CROCC: variants seen among roughly 807,000 people sequenced by gnomAD.
The protein encoded by CROCC is ciliary rootlet coiled-coil, rootletin.
CROCC carries 180 observed loss-of-function variants against 245.2 expected under a neutral mutation model. The ratio of observed to expected loss-of-function variants is 0.73; its 90% CI spans 0.65 to 0.83. CROCC has a LOEUF of 0.83. CROCC is among the 40% of genes least tolerant of loss of function. The pLI, the probability that CROCC is intolerant of heterozygous loss-of-function variation, is 0.00. For missense variants in CROCC, 2,688 were observed against 2,779.4 expected, an observed-to-expected ratio of 0.97 and a Z score of 0.74; for synonymous variants, 1,205 against 1,241.6, an observed-to-expected ratio of 0.97 and a Z score of 0.62.
In CROCC at chr1:16,968,203, GAGA is replaced by G. The variant is rs1405069951; in HGVS notation, c.4865_4867del (p.Lys1622del). ...GGCCTGAGCCCCATGCCACCTGCAG[GAGA>G]AGATCAGCAAGATGAAGGCCAATGA... On this transcript the variant is annotated inframe_deletion and splice_region_variant, in exon 31 of 37. Coordinates refer to ENST00000375541, the MANE Select transcript of CROCC (RefSeq NM_014675.5). 1.3e-6 allele frequency: 2 copies of G among 1,560,372 alleles called. No individual in the cohort carries two copies. The highest frequency in any genetic ancestry group is 4.8e-5 in the East Asian group (2 of 41,824).
chr1:16,955,560 C>T lies in CROCC; in HGVS notation c.3704+10C>T, dbSNP rs765437650. The T allele has an allele frequency of 4.0e-6, 6 of 1,515,806 alleles. No individual in the cohort carries two copies. Among genetic ancestry groups the T allele is most frequent in the South Asian group, 1.3e-5 (1 of 76,930 alleles). The allele number at this position is 1,515,806 out of a possible 1,614,324, so 93.9% of individuals were successfully genotyped here. A position where few individuals can be genotyped will look rare whatever the true frequency, so the allele number is the denominator to read the frequency against. The stretch of plus-strand genomic sequence containing the variant: ...AGAGCGAGCGCATCAGGTGGGGTGT[C>T]GCAGGAGGACCAGTCCTGAGTCCTC... On this transcript the variant is annotated intron_variant, in intron 24 of 36. Transcript: ENST00000375541.
At chr1:16,965,428 G>A (rs2076401419) in intron 27 of CROCC, among the ~76,000 whole-genome samples, 1 of 152,202 alleles carries the variant, frequency 6.6e-6, no homozygotes, top group Admixed American at 6.5e-5. Context: ...TGAGGGAGAG[G>A]GATGGCCCTA....
In CROCC at chr1:16,966,491, G is replaced by A; in HGVS notation, c.4780G>A (p.Glu1594Lys). Residue 1594 changes from glutamate to lysine, a missense_variant, in exon 30 of 37, where the codon GAG becomes AAG. By Grantham distance (56) the Glu-to-Lys change is moderately conservative. This residue lies in a region of CROCC where 1,218 missense variants were observed against 1,286.3 expected (regional missense o/e 0.95). Coordinates refer to ENST00000375541, the MANE Select transcript of CROCC (RefSeq NM_014675.5). The surrounding 1 kb of genome is among the most constrained non-coding windows in gnomAD (Gnocchi z 4.8). ...GGAGAGTGTGCGGCGCAGTGAGCGGGAGCGCCGGGCCACGCTGGACCAGGT... is the reference window on the plus strand; with the variant it reads ...GGAGAGTGTGCGGCGCAGTGAGCGGAAGCGCCGGGCCACGCTGGACCAGGT... ...QEESVRRSER[E>K]RRATLDQVAT... The A allele has an allele frequency of 6.5e-7, 1 of 1,533,730 alleles. No individual in the cohort carries two copies. The highest frequency in any genetic ancestry group is 1.2e-5 in the South Asian group (1 of 83,758).
Position 16,972,578 on chromosome 1 carries a change from G to GCCTCCCTTTCTCT in CROCC, c.*132_*133insCCTCCCTTTCTCT. 1.6e-6 allele frequency: 1 copy of GCCTCCCTTTCTCT among 606,372 alleles called. No homozygotes were observed. The highest frequency in any genetic ancestry group is 2.9e-6 in the Non-Finnish European group (1 of 349,230). 37.6% of individuals were successfully genotyped at this position (606,372 alleles called of 1,614,324 possible). On this transcript the variant is annotated 3_prime_UTR_variant, in exon 37 of 37. Coordinates refer to ENST00000375541, the MANE Select transcript of CROCC (RefSeq NM_014675.5). The stretch of plus-strand genomic sequence containing the variant: ...GGGTGGGATGAGGAGGCGCTCTGCT[G>GCCTCCCTTTCTCT]GCAGTGCTGAGGACGGGTACTCCAG...
rs760230508 is a variant in CROCC at position 16,972,457 on chromosome 1, G to C, written c.*11G>C. The C allele has an allele frequency of 1.9e-6, 3 of 1,608,112 alleles. No individual in the cohort carries two copies. The highest frequency in any genetic ancestry group is 2.6e-6 in the Non-Finnish European group (3 of 1,175,972). On this transcript the variant is annotated 3_prime_UTR_variant, in exon 37 of 37. Transcript: ENST00000375541. ...CCCCCAGAGAAATGAGCTCCTGCTG[G>C]CATCTGGAGAACACCCCTGTGCCTG...
intron 27 of CROCC, among the ~76,000 whole-genome samples, chr1:16,963,612 C>G (rs1383978875): frequency 6.6e-6 from 1 of 152,080 alleles, no homozygotes; most frequent in East Asian, 1.9e-4. Context: ...GCAGGATGCT[C>G]ATGGCAGGAC....
upstream of CROCC, among the ~76,000 whole-genome samples, chr1:16,918,829 C>A (rs1294431505): frequency 2.0e-5 from 3 of 152,180 alleles, no homozygotes; most frequent in African/African-American, 7.2e-5. Flanking sequence ...CTCTGCCTCC[C>A]AGTTTCAAGT....
chr1:16,940,209 T>A (rs2075898102), intron 13 of CROCC, 116 bp downstream of exon 13: 1 of 1,131,038 alleles, frequency 8.8e-7, no homozygotes. Context: ...TAGCTGCATG[T>A]GCCTATTAAC....
At chr1:16,971,702 AGAG>A (rs1557649909) in intron 36 of CROCC, 55 bp downstream of exon 36, 6 of 1,411,936 alleles carry the variant, frequency 4.2e-6, no homozygotes, top group Non-Finnish European at 3.7e-6. Context: ...GGCTGCAGAA[AGAG>A]GAGAGACCCA....
Position 16,969,840 on chromosome 1 carries a change from C to G in CROCC, c.5357C>G (p.Ser1786Cys), listed in dbSNP as rs2076484060. Residue 1786 changes from serine to cysteine, a missense_variant, in exon 33 of 37, where the codon TCC (serine) becomes TGC (cysteine). By Grantham distance (112) the Ser-to-Cys change is moderately radical. This residue lies in a region of CROCC where 1,218 missense variants were observed against 1,286.3 expected (regional missense o/e 0.95). Coordinates refer to ENST00000375541, the MANE Select transcript of CROCC (RefSeq NM_014675.5). ...TCTGAGGCACGGAAGCAGAGCAGCT[C>G]CCTGGGCGAGCAGGTGCAGACGTTG... ...ALSEARKQSS[S>C]LGEQVQTLRG... is the part of the protein sequence containing the mutation. 3 of 1,613,236 alleles carry G rather than the reference C, an allele frequency of 1.9e-6. No individual in the cohort carries two copies. The South Asian group carries it at 3.3e-5, about 18-fold the overall frequency.
chr1:16,918,925 C>T (rs556718195), upstream of CROCC, among the ~76,000 whole-genome samples: 1,204 of 152,048 alleles, frequency 7.9e-3, no homozygotes, highest in Non-Finnish European at 0.013. Flanking sequence ...TTAGTAGAGA[C>T]GGGGTTTCAC....
intron 8 of CROCC, 72 bp from the exon 9 acceptor site, chr1:16,936,565 T>G (rs2100400025): frequency 2.1e-6 from 3 of 1,428,330 alleles, no homozygotes; most frequent in Non-Finnish European, 2.8e-6. Flanking sequence ...CACCACGCCC[T>G]GCCCAAGCAT....
chr1:16,933,137 A>G (rs1212508138), intron 8 of CROCC, among the ~76,000 whole-genome samples: 1 of 152,290 alleles, frequency 6.6e-6, no homozygotes, highest in Admixed American at 6.5e-5. Context: ...ATATCATCAA[A>G]TAGCCAGTGT....
chr1:16,970,108 G>GTGTC lies in CROCC; in HGVS notation c.5452-145_5452-144insTGTC. On this transcript the variant is annotated intron_variant, in intron 33 of 36. Coordinates refer to ENST00000375541, the MANE Select transcript of CROCC (RefSeq NM_014675.5). ...ACAGATGGAGAAACAGACTGAGAGA[G>GTGTC]ACAGGTTTGGCTTCAGGTGACAATT... The GTGTC allele has an allele frequency of 3.4e-6, 4 of 1,189,408 alleles. No homozygotes were observed. In the South Asian group the frequency reaches 6.4e-5, roughly 19 times the overall value. 73.7% of individuals were successfully genotyped at this position (1,189,408 alleles called of 1,614,324 possible).
chr1:16,968,167 C>T (rs1197524741), intron 30 of CROCC, 36 bp from the exon 31 acceptor site: 2 of 1,543,926 alleles, frequency 1.3e-6, no homozygotes, highest in Non-Finnish European at 1.8e-6. Context: ...GCGGGGTGCA[C>T]TGGACGTCTG....
At chr1:16,969,737 C>T (rs775599667) in intron 32 of CROCC, 48 bp from the exon 33 acceptor site, 1 of 1,583,318 alleles carries the variant, frequency 6.3e-7, no homozygotes, top group Non-Finnish European at 8.6e-7. Flanking sequence ...AGAGAGGACT[C>T]CTTAGGGCTC....
chr1:16,924,557 A>G (rs1185959857), intron 3 of CROCC, 78 bp downstream of exon 3: 5 of 1,547,582 alleles, frequency 3.2e-6, no homozygotes, highest in Non-Finnish European at 2.6e-6. Context: ...CCAGGCCCAC[A>G]CACGGGGCAA....
In CROCC at chr1:16,954,683, C is replaced by A; in HGVS notation, c.3322-51C>A. ...TGCACTGAGCGGGTTGGGAGCAGCC[C>A]GGGGCTGGGGGACACAGCAGGACCA... On this transcript the variant is annotated intron_variant, in intron 22 of 36. Coordinates refer to ENST00000375541, the MANE Select transcript of CROCC (RefSeq NM_014675.5). This position sits in a 1 kb window ranked among gnomAD's most constrained non-coding sequence, Gnocchi z 4.4. 1 of 1,503,860 alleles carries A rather than the reference C, an allele frequency of 6.6e-7. No homozygotes were observed. 93.2% of individuals were successfully genotyped at this position (1,503,860 alleles called of 1,614,324 possible). A position where few individuals can be genotyped will look rare whatever the true frequency, so the allele number is the denominator to read the frequency against.
chr1:16,972,119 C>G (rs1277712634), intron 36 of CROCC, among the ~76,000 whole-genome samples: 3 of 152,194 alleles, frequency 2.0e-5, no homozygotes, highest in Non-Finnish European at 2.9e-5. Flanking sequence ...CCACGCCCAC[C>G]CAAGTGATGA....
Sources: gnomAD v4.1 joint callset for allele counts (sites outside exome capture counted in the v4.1 genomes callset) on GRCh38, gnomAD v4.1.1 for gene constraint, gnomAD v4.1.1 regional missense constraint, Gnocchi (gnomAD v3.1) non-coding constraint, MANE v1.5 for transcripts, NCBI Gene and HGNC (gene_info 2026-07-23, HGNC 2026-07-21) for gene names.